Variants in CEP85L observed in about 807,000 individuals in gnomAD.
CEP85L encodes the protein centrosomal protein of 85 kDa-like.
Under a neutral mutation model 100.3 loss-of-function variants are expected in CEP85L, and 60 were observed. That is an observed-to-expected ratio of 0.60 (90% CI 0.49 to 0.74). The LOEUF is 0.74. Among genes scored for constraint, CEP85L ranks in the 30% least tolerant of loss-of-function variants. CEP85L has a pLI of 0.00. For missense variants in CEP85L, 973 were observed against 936.2 expected (o/e 1.04, Z -0.51); for synonymous variants, 319 against 322.7 (o/e 0.99, Z 0.12).
chr6:118,612,715 T>A (rs2115236938), intron 2 of CEP85L, among the ~76,000 whole-genome samples: 1 of 130,266 alleles, frequency 7.7e-6, no homozygotes, highest in Admixed American at 8.7e-5. Flanking sequence ...AGTAATCTAA[T>A]CTGCTAACAA....
intron 2 of CEP85L, among the ~76,000 whole-genome samples, chr6:118,626,182 A>T (rs1198748442): frequency 6.6e-6 from 1 of 152,124 alleles, no homozygotes; most frequent in Non-Finnish European, 1.5e-5. Flanking sequence ...TTCCTGCATC[A>T]GGACTTACTT....
chr6:118,548,999 C>T (rs1446266047), intron 3 of CEP85L, among the ~76,000 whole-genome samples: 5 of 152,014 alleles, frequency 3.3e-5, no homozygotes, highest in Admixed American at 2.6e-4. Context: ...TTTTAACAAA[C>T]ATTTCTAAAA....
chr6:118,488,563 T>C (rs1774345734), intron 6 of CEP85L, among the ~76,000 whole-genome samples: 1 of 151,864 alleles, frequency 6.6e-6, no homozygotes, highest in South Asian at 2.1e-4. Context: ...CGGACAAATA[T>C]ACACATTGTA....
In CEP85L at chr6:118,469,423, A is replaced by T. The variant is rs115966151; in HGVS notation, c.2023-120T>A. 2.9e-3 allele frequency: 2,038 copies of T among 690,982 alleles called. 33 individuals carry two copies. In the African/African-American group the frequency reaches 0.033, roughly 11 times the overall value. 42.8% of individuals were successfully genotyped at this position (690,982 alleles called of 1,614,324 possible). A position where few individuals can be genotyped will look rare whatever the true frequency, so the allele number is the denominator to read the frequency against. ...AAAACGATGGAGTCATATTATATGCACATTAACCAAATTCAACTACATATA... is the reference window on the plus strand; with the variant it reads ...AAAACGATGGAGTCATATTATATGCTCATTAACCAAATTCAACTACATATA... On this transcript the variant is annotated intron_variant, in intron 11 of 12. Transcript: ENST00000368491.
chr6:118,593,868 C>G (rs1223963414), intron 2 of CEP85L, among the ~76,000 whole-genome samples: 2 of 152,054 alleles, frequency 1.3e-5, no homozygotes, highest in Admixed American at 6.6e-5. Flanking sequence ...CCACAATGTT[C>G]TTTTACTTCC....
chr6:118,484,336 A>C (rs995773648), intron 6 of CEP85L, among the ~76,000 whole-genome samples: 8 of 152,182 alleles, frequency 5.3e-5, no homozygotes, highest in Non-Finnish European at 4.4e-5. Flanking sequence ...AACAAACAAA[A>C]AAAGATTTAC....
intron 1 of CEP85L, among the ~76,000 whole-genome samples, chr6:118,642,580 A>G (rs1055169123): frequency 2.0e-5 from 3 of 152,196 alleles, no homozygotes; most frequent in African/African-American, 7.2e-5. Flanking sequence ...CACACTAGTT[A>G]AAAAATACCT....
At chr6:118,676,673 A>G (rs971707619) in intron 1 of CEP85L, among the ~76,000 whole-genome samples, 14 of 152,204 alleles carry the variant, frequency 9.2e-5, no homozygotes, top group African/African-American at 3.1e-4. Flanking sequence ...TCTTTGACAT[A>G]TAGATTTCAA....
At chr6:118,573,209 A>T (rs866175810) in intron 2 of CEP85L, among the ~76,000 whole-genome samples, 8 of 152,260 alleles carry the variant, frequency 5.3e-5, no homozygotes, top group African/African-American at 1.9e-4. Flanking sequence ...GCAAACTATT[A>T]ATAAAACAAC....
At chr6:118,706,939 C>G (rs914072560) in intron 1 of CEP85L, among the ~76,000 whole-genome samples, 2 of 152,162 alleles carry the variant, frequency 1.3e-5, no homozygotes, top group Non-Finnish European at 2.9e-5. Context: ...CCCCATGGAG[C>G]TCTCATGAGC....
At chr6:118,636,155 T>C (rs1031224203) in intron 1 of CEP85L, among the ~76,000 whole-genome samples, 2 of 152,218 alleles carry the variant, frequency 1.3e-5, no homozygotes, top group African/African-American at 4.8e-5. Context: ...ACAAGTCCAA[T>C]GAAACCTGGG....
chr6:118,621,501 G>A (rs1457361696), intron 2 of CEP85L, among the ~76,000 whole-genome samples: 1 of 152,110 alleles, frequency 6.6e-6, no homozygotes, highest in Non-Finnish European at 1.5e-5. Flanking sequence ...TGTTTGGTCA[G>A]GCACTGGCCC....
At position 118,600,312 on chromosome 6, in the gene CEP85L, T is replaced by C. The variant is rs1475716599; in HGVS notation, c.232+32141A>G. ...GAGCCTTCCTGGGGGTGTGTGTGTGTGTGTGTGTGTGTGTGTGTGTGTGTG... is the reference window on the plus strand; with the variant it reads ...GAGCCTTCCTGGGGGTGTGTGTGTGCGTGTGTGTGTGTGTGTGTGTGTGTG... On this transcript the variant is annotated intron_variant, in intron 2 of 12. Transcript: ENST00000368491. Among the ~76,000 whole-genome samples the C allele has an allele frequency of 1.5e-4, 11 of 75,372 alleles. 2 individuals carry two copies. The highest frequency in any genetic ancestry group is 4.7e-5 in the African/African-American group (1 of 21,418). The allele number at this position is 75,372 out of a possible 152,430, so 49.4% of individuals were successfully genotyped here.
intron 3 of CEP85L, among the ~76,000 whole-genome samples, chr6:118,528,832 A>G (rs995147429): frequency 6.6e-6 from 1 of 152,204 alleles, no homozygotes. Flanking sequence ...GAATAAAAAA[A>G]TCATATTGTG....
chr6:118,468,955 T>A, intron 12 of CEP85L, 117 bp downstream of exon 12: 2 of 692,676 alleles, frequency 2.9e-6, no homozygotes, highest in Non-Finnish European at 4.9e-6. Context: ...CACAGACTGA[T>A]TCTAAGTAGG....
In CEP85L at chr6:118,461,705, T is replaced by C. The variant is rs565156660; in HGVS notation, c.*3700A>G. On this transcript the variant is annotated 3_prime_UTR_variant, in exon 13 of 13. Coordinates refer to ENST00000368491, the MANE Select transcript of CEP85L (RefSeq NM_001042475.3). ...CACCCATGGCATTTTGGGGCAAAGT[T>C]GGAAATTTTGCTCTTTATACCAAAT... 1.2e-4 allele frequency: 18 copies of C among 152,216 alleles called. No individual in the cohort carries two copies. The highest frequency in any genetic ancestry group is 4.3e-4 in the African/African-American group (18 of 41,572). 9.4% of individuals were successfully genotyped at this position (152,216 alleles called of 1,614,324 possible).
chr6:118,637,786 TA>T (rs1417510097), intron 1 of CEP85L, among the ~76,000 whole-genome samples: 42 of 151,120 alleles, frequency 2.8e-4, no homozygotes, highest in African/African-American at 7.5e-4. Flanking sequence ...GATATGGTAT[TA>T]ATGCATAATT....
intron 2 of CEP85L, among the ~76,000 whole-genome samples, chr6:118,577,876 C>T (rs1780334654): frequency 6.6e-6 from 1 of 152,162 alleles, no homozygotes; most frequent in Non-Finnish European, 1.5e-5. Context: ...TAGGTGTACT[C>T]ATTCTTGTAG....
chr6:118,543,263 T>A (rs1778013730), intron 3 of CEP85L, among the ~76,000 whole-genome samples: 1 of 152,200 alleles, frequency 6.6e-6, no homozygotes, highest in Admixed American at 6.5e-5. Flanking sequence ...TCAGAGGCAA[T>A]CATTAGGGAC....
Sources: gnomAD v4.1 joint callset for allele counts (sites outside exome capture counted in the v4.1 genomes callset) on GRCh38, gnomAD v4.1.1 for gene constraint, MANE v1.5 for transcripts, NCBI Gene and HGNC (gene_info 2026-07-23, HGNC 2026-07-21) for gene names.